ABCA6: variants seen among roughly 807,000 people sequenced by gnomAD.
ABCA6 encodes ATP binding cassette subfamily A member 6, also known as ATP-binding cassette sub-family A member 6.
Under a neutral mutation model 191.2 loss-of-function variants are expected in ABCA6, and 164 were observed. That is an observed-to-expected ratio of 0.86 (90% confidence interval 0.76 to 0.98). ABCA6 has a LOEUF of 0.98. Among genes scored for constraint, ABCA6 ranks in the 50% least tolerant of loss-of-function variants. The pLI is 0.00. For synonymous variants in ABCA6, 636 were observed against 647.7 expected (o/e 0.98, Z 0.27); for missense variants, 1,958 against 1,894.1 (o/e 1.03, Z -0.63).
In ABCA6 at chr17:69,096,379, A is replaced by G. The variant is rs184820915; in HGVS notation, c.3295-26T>C. On this transcript the variant is annotated intron_variant, in intron 24 of 38. Transcript: ENST00000284425. Reference sequence around the variant, plus strand: ...CTGAGCATAAAAGAAATAATAACATAGTCAAAAAATCAAATATTACTGAGG... The same window carrying G: ...CTGAGCATAAAAGAAATAATAACATGGTCAAAAAATCAAATATTACTGAGG... The G allele has an allele frequency of 4.9e-4, 617 of 1,257,568 alleles. 1 individual carries two copies. Among genetic ancestry groups the G allele is most frequent in the Non-Finnish European group, 2.6e-4 (242 of 928,682 alleles). The allele number at this position is 1,257,568 out of a possible 1,614,324, so 77.9% of individuals were successfully genotyped here.
chr17:69,123,767 G>C lies in ABCA6; in HGVS notation c.1268-360C>G, dbSNP rs74496678. On this transcript the variant is annotated intron_variant, in intron 9 of 38. Transcript: ENST00000284425. ...GATCAAGACATTAGTACAGATCTTA[G>C]AGCCTCTGTTGTCTACATCTGTAGA... Among the ~76,000 whole-genome samples, 857 of 152,150 alleles carry C rather than the reference G, an allele frequency of 5.6e-3. 3 individuals carry two copies. The highest frequency in any genetic ancestry group is 0.019 in the African/African-American group (806 of 41,542).
rs1020965793 is a variant in ABCA6, at chr17:69,136,203, G to T, written c.349C>A (p.Leu117Ile). The T allele has an allele frequency of 1.3e-6, 2 of 1,597,710 alleles. No individual in the cohort carries two copies. The highest frequency in any genetic ancestry group is 1.7e-4 in the Middle Eastern group (1 of 6,012). The change falls in exon 4 of 39, where the codon CTT (leucine) becomes ATT (isoleucine). Residue 117 changes from leucine (L) to isoleucine (I), a missense_variant. Physicochemically the swap from Leu to Ile is conservative, Grantham distance 5. Coordinates refer to ENST00000284425, the MANE Select transcript of ABCA6 (RefSeq NM_080284.3). ...ATAGCATATGGTAAATTTTCCAGAA[G>T]TATTTCGTCCATGTGTGTTTTATTT... ...APNKTHMDEI[L>I]LENLPYAMGI...
chr17:69,085,284 C>G (rs924237397), intron 31 of ABCA6, 102 bp from the exon 32 acceptor site: 23 of 1,057,510 alleles, frequency 2.2e-5, no homozygotes, highest in Non-Finnish European at 2.8e-5. Context: ...GTTTAAGCAT[C>G]AAATAAATAC....
At chr17:69,139,535 G>A (rs1290188468) in intron 2 of ABCA6, among the ~76,000 whole-genome samples, 1 of 152,142 alleles carries the variant, frequency 6.6e-6, no homozygotes, top group Non-Finnish European at 1.5e-5. Context: ...GGAAGTCAGT[G>A]TGGTGATTCC....
intron 2 of ABCA6, among the ~76,000 whole-genome samples, chr17:69,137,999 C>T (rs2144726219): frequency 6.6e-6 from 1 of 152,316 alleles, no homozygotes; most frequent in African/African-American, 2.4e-5. Context: ...ACTGCATTCT[C>T]AGCCTACTGA....
intron 6 of ABCA6, among the ~76,000 whole-genome samples, chr17:69,132,070 G>A (rs1285135696): frequency 6.6e-6 from 1 of 151,884 alleles, no homozygotes; most frequent in East Asian, 1.9e-4. Flanking sequence ...TACAATTTAT[G>A]TATATTAGAA....
intron 35 of ABCA6, 53 bp downstream of exon 35, chr17:69,083,159 C>T: frequency 3.8e-6 from 6 of 1,561,652 alleles, no homozygotes; most frequent in Non-Finnish European, 5.2e-6. Flanking sequence ...TTTGCCCTTT[C>T]CATGGGAAAT....
At chr17:69,135,911 C>A (rs140949627) in intron 4 of ABCA6, 181 bp downstream of exon 4, 1 of 625,876 alleles carries the variant, frequency 1.6e-6, no homozygotes, top group African/African-American at 1.8e-5. Flanking sequence ...GATGACTCTA[C>A]AATTTTTGCA....
chr17:69,085,519 C>CAAAAAAAAAAAAAAA (rs35438104), intron 31 of ABCA6, 106 bp downstream of exon 31: 5 of 474,614 alleles, frequency 1.1e-5, no homozygotes, highest in African/African-American at 5.4e-5. Context: ...TATCCAAAGG[C>CAAAAAAAAAAAAAAA]AAAAAAAAAA....
At chr17:69,098,852 C>T (rs141158915) in intron 22 of ABCA6, among the ~76,000 whole-genome samples, 61 of 152,120 alleles carry the variant, frequency 4.0e-4, no homozygotes, top group African/African-American at 1.4e-3. Context: ...CGCAAGACGG[C>T]AAAGTTCTGG....
chr17:69,095,933 C>T (rs1200194792), intron 25 of ABCA6, among the ~76,000 whole-genome samples: 1 of 152,184 alleles, frequency 6.6e-6, no homozygotes, highest in Non-Finnish European at 1.5e-5. Context: ...GTAATGTCAA[C>T]TGTTAGGAAG....
intron 36 of ABCA6, among the ~76,000 whole-genome samples, chr17:69,081,840 T>C (rs1261415665): frequency 6.6e-6 from 1 of 151,990 alleles, no homozygotes; most frequent in Non-Finnish European, 1.5e-5. Context: ...GTTGGGAGAG[T>C]TGGAGATTGC....
Position 69,102,344 on chromosome 17 carries a change from A to G in ABCA6, c.2874+491T>C, listed in dbSNP as rs569588529. 3.9e-5 allele frequency among the ~76,000 whole-genome samples: 6 copies of G among 152,318 alleles called. No individual in the cohort carries two copies. The South Asian group carries it at 8.3e-4, about 21-fold the overall frequency. On this transcript the variant is annotated intron_variant, in intron 21 of 38. Transcript: ENST00000284425. ...GGTAACACAGCAAGACTCTGCCTCAAAAAAAGTATTTTCAATAGTCTTGTT... is the reference window on the plus strand; with the variant it reads ...GGTAACACAGCAAGACTCTGCCTCAGAAAAAGTATTTTCAATAGTCTTGTT...
rs142610731 is a variant in ABCA6, at chr17:69,117,924, T to C, written c.1469A>G (p.Lys490Arg). Residue 490 changes from lysine to arginine, a missense_variant, in exon 11 of 39, where the codon AAA becomes AGA. Coordinates refer to ENST00000284425, the MANE Select transcript of ABCA6 (RefSeq NM_080284.3). Reference sequence around the variant, plus strand: ...TTTCAATGCTTCCACTTTTCCAGATTTTCCTTTATATTCCTTCTTAACATT... The same window carrying C: ...TTTCAATGCTTCCACTTTTCCAGATCTTCCTTTATATTCCTTCTTAACATT... ...IRNVKKEYKG[K>R]SGKVEALKGL... is the part of the protein sequence containing the mutation. 4.1e-5 allele frequency: 65 copies of C among 1,588,286 alleles called. No homozygotes were observed. The African/African-American group carries it at 8.2e-4, about 20-fold the overall frequency.
chr17:69,098,601 AG>A (rs2073102273), intron 22 of ABCA6: 1 of 143,702 alleles, frequency 7.0e-6, no homozygotes, highest in African/African-American at 2.6e-5. Flanking sequence ...CTGCAGCCTG[AG>A]CAACAAGAAC....
At chr17:69,087,846 A>G (rs1291257217) in intron 28 of ABCA6, among the ~76,000 whole-genome samples, 1 of 152,216 alleles carries the variant, frequency 6.6e-6, no homozygotes, top group Non-Finnish European at 1.5e-5. Context: ...CTCCATTTTT[A>G]AAACACTCAA....
In ABCA6 at chr17:69,088,235, G is replaced by C; in HGVS notation, c.3630C>G (p.Phe1210Leu). Residue 1210 changes from phenylalanine to leucine, a missense_variant, in exon 28 of 39, where the codon TTC becomes TTG. Physicochemically the swap from Phe to Leu is conservative, Grantham distance 22. Coordinates refer to ENST00000284425, the MANE Select transcript of ABCA6 (RefSeq NM_080284.3). ...GTTCCATGCATCTTAGAACAAAAAC[G>C]AATAGCAAAGTCTGAAAGTAGGGCT... ...CFIPYFQTLL[F>L]VFVLRCMELK... 1 of 1,610,652 alleles carries C rather than the reference G, an allele frequency of 6.2e-7. No individual in the cohort carries two copies. Among genetic ancestry groups the C allele is most frequent in the Non-Finnish European group, 8.5e-7 (1 of 1,178,198 alleles).
At chr17:69,094,428 A>C (rs2073001475) in intron 25 of ABCA6, 1 of 152,358 alleles carries the variant, frequency 6.6e-6, no homozygotes, top group East Asian at 1.9e-4. Context: ...TTGTTTTGGA[A>C]GATTCTGGCC....
In ABCA6 at chr17:69,124,907, G is replaced by A. The variant is rs1598051161; in HGVS notation, c.1248C>T (p.Tyr416=). The change falls in exon 9 of 39, where the codon TAC becomes TAT. Residue 416 remains tyrosine (Y), a synonymous_variant. Transcript: ENST00000284425. ...ACTTACAGGGTAAAATTTTGTCAAA[G>A]TATAATGCCAATAGCAAGTAGATGA... The part of the protein sequence containing the change: ...DGLIYLLLAL[Y]FDKILPYGDE... 1 of 1,569,192 alleles carries A rather than the reference G, an allele frequency of 6.4e-7. No individual in the cohort carries two copies. The highest frequency in any genetic ancestry group is 1.4e-5 in the African/African-American group (1 of 72,818).
Sources: allele counts gnomAD v4.1 joint callset (sites outside exome capture counted in the v4.1 genomes callset), GRCh38; gene constraint gnomAD v4.1.1; transcripts MANE v1.5; gene names NCBI Gene and HGNC (gene_info 2026-07-23, HGNC 2026-07-21).